Variants in FN3KRP observed in about 807,000 individuals in gnomAD.
The protein encoded by FN3KRP is ketosamine-3-kinase.
FN3KRP carries 33 observed loss-of-function variants against 29.8 expected under a neutral mutation model. That is an observed-to-expected ratio of 1.11 (90% CI 0.84 to 1.48). The LOEUF is 1.48. Ranked by LOEUF, FN3KRP falls within the 40% of genes most tolerant of loss-of-function variation. FN3KRP has a pLI of 0.00. For missense variants in FN3KRP, 430 were observed against 402.6 expected (o/e 1.07, Z -0.58); for synonymous variants, 157 against 155.2 (o/e 1.01, Z -0.09).
Position 82,726,970 on chromosome 17 carries a change from A to T in FN3KRP, c.729A>T (p.Glu243Asp), listed in dbSNP as rs761908561. Reference sequence around the variant, plus strand: ...CAGCTTCTTTCTACGGCCACTCGGAATATGAGCTGGCAATAGCTGGCATGT... The same window carrying T: ...CAGCTTCTTTCTACGGCCACTCGGATTATGAGCTGGCAATAGCTGGCATGT... ...FDPASFYGHS[E>D]YELAIAGMFG... The change falls in exon 6 of 6, where the codon GAA becomes GAT. Residue 243 changes from glutamate to aspartate, a missense_variant. Physicochemically the swap from Glu to Asp is conservative, Grantham distance 45. Coordinates refer to ENST00000269373, the MANE Select transcript of FN3KRP (RefSeq NM_024619.4). The T allele has an allele frequency of 5.0e-6, 8 of 1,613,956 alleles. No individual in the cohort carries two copies. Among genetic ancestry groups the T allele is most frequent in the Non-Finnish European group, 6.8e-6 (8 of 1,180,004 alleles).
intron 3 of FN3KRP, chr17:82,720,689 C>G (rs1259421647): frequency 4.7e-6 from 1 of 213,022 alleles, no homozygotes; most frequent in Non-Finnish European, 9.3e-6. Context: ...AGACCTTTAA[C>G]CCAGGGTCTG....
intron 2 of FN3KRP, among the ~76,000 whole-genome samples, chr17:82,719,480 C>T (rs1449739104): frequency 1.3e-5 from 2 of 152,252 alleles, no homozygotes; most frequent in East Asian, 1.9e-4. Context: ...GCACGCCGGC[C>T]GCGGTGGCTC....
chr17:82,716,814 C>A lies in FN3KRP; in HGVS notation c.59C>A (p.Ser20Ter), dbSNP rs770978856. The A allele has an allele frequency of 1.3e-6, 2 of 1,553,118 alleles. No individual in the cohort carries two copies. Among genetic ancestry groups the A allele is most frequent in the Admixed American group, 4.1e-5 (2 of 48,556 alleles). ...AGCTCTGTCAGGGCCACGGGCCACT[C>A]GGGGGGCGGGTGCATCAGCCAGGGC... is the stretch of plus-strand genomic sequence containing the variant. ...GCSSVRATGH[S>*]GGGCISQGRS... Residue 20 changes from serine to a stop codon, truncating the protein, a stop_gained, in exon 1 of 6, where the codon TCG becomes TAG. Transcript: ENST00000269373. LOFTEE classifies it high-confidence loss of function.
At chr17:82,723,616 T>C (rs2046815975) in intron 4 of FN3KRP, among the ~76,000 whole-genome samples, 1 of 152,004 alleles carries the variant, frequency 6.6e-6, no homozygotes, top group Non-Finnish European at 1.5e-5. Context: ...CACGCATGTG[T>C]GCATATGTGT....
In FN3KRP at chr17:82,727,077, T is replaced by C. The variant is rs767863087; in HGVS notation, c.836T>C (p.Leu279Ser). Reference protein sequence around the residue: ...KAPGFEKRLQLYQLFHYLNHW... With the variant: ...KAPGFEKRLQSYQLFHYLNHW... ...CCAGGATTCGAGAAGCGCCTTCAGT[T>C]GTATCAGCTCTTTCACTACTTGAAC... The change falls in exon 6 of 6, where the codon TTG (leucine) becomes TCG (serine). Residue 279 changes from leucine to serine, a missense_variant. Leu to Ser is a moderately radical substitution (Grantham distance 145). Coordinates refer to ENST00000269373, the MANE Select transcript of FN3KRP (RefSeq NM_024619.4). The C allele has an allele frequency of 6.2e-7, 1 of 1,614,176 alleles. No homozygotes were observed. The highest frequency in any genetic ancestry group is 1.7e-5 in the Admixed American group (1 of 60,010).
At chr17:82,725,848 C>G (rs1428431263) in intron 4 of FN3KRP, among the ~76,000 whole-genome samples, 2 of 152,166 alleles carry the variant, frequency 1.3e-5, no homozygotes, top group Non-Finnish European at 2.9e-5. Context: ...ATCTGATGAA[C>G]TATTGTCAGC....
intron 1 of FN3KRP, 25 bp downstream of exon 1, chr17:82,716,921 G>A (rs768934012): frequency 3.8e-6 from 6 of 1,559,750 alleles, no homozygotes; most frequent in Middle Eastern, 1.7e-4. Flanking sequence ...CGGGCGGGCC[G>A]GGGGACCGGT....
chr17:82,720,370 C>A lies in FN3KRP; in HGVS notation c.385+7C>A. 1.9e-6 allele frequency: 3 copies of A among 1,610,796 alleles called. No individual in the cohort carries two copies. Among genetic ancestry groups the A allele is most frequent in the South Asian group, 1.1e-5 (1 of 90,978 alleles). On this transcript the variant is annotated splice_region_variant and intron_variant, in intron 3 of 5. Coordinates refer to ENST00000269373, the MANE Select transcript of FN3KRP (RefSeq NM_024619.4). ...AAGGAGGCGGGCACAGTGGGTATGGCACTGCGCGGGCCACGGGTGCTCCCG... is the reference window on the plus strand; with the variant it reads ...AAGGAGGCGGGCACAGTGGGTATGGAACTGCGCGGGCCACGGGTGCTCCCG...
At chr17:82,726,195 G>GA (rs201175129) in intron 4 of FN3KRP, among the ~76,000 whole-genome samples, 1,837 of 150,936 alleles carry the variant, frequency 0.012, 31 homozygotes, top group African/African-American at 0.041. Flanking sequence ...AAAAGAAAAA[G>GA]AAAAAAAAAT....
At position 82,720,332 on chromosome 17, in the gene FN3KRP, A is replaced by G. The variant is rs1424395296; in HGVS notation, c.354A>G (p.Gly118=). The G allele has an allele frequency of 6.2e-7, 1 of 1,613,798 alleles. No homozygotes were observed. Among genetic ancestry groups the G allele is most frequent in the Non-Finnish European group, 8.5e-7 (1 of 1,179,984 alleles). ...ADLHLDNKKL[G]EMRLKEAGTV... ...TACACCTTGATAACAAGAAGCTTGG[A>G]GAGATGCGCCTGAAGGAGGCGGGCA... The change falls in exon 3 of 6, where the codon GGA becomes GGG. Residue 118 remains glycine, a synonymous_variant. Coordinates refer to ENST00000269373, the MANE Select transcript of FN3KRP (RefSeq NM_024619.4).
chr17:82,720,856 A>G (rs2046793721), intron 3 of FN3KRP: 1 of 153,460 alleles, frequency 6.5e-6, no homozygotes, highest in Admixed American at 6.5e-5. Context: ...ATGTGGGGAG[A>G]TTTGCTGATG....
chr17:82,719,722 T>C (rs2046785148), intron 2 of FN3KRP, among the ~76,000 whole-genome samples: 1 of 151,792 alleles, frequency 6.6e-6, no homozygotes, highest in African/African-American at 2.4e-5. Flanking sequence ...ACCACTGCAC[T>C]CTAGCCTGGG....
chr17:82,720,153 GA>G, intron 2 of FN3KRP, 118 bp from the exon 3 acceptor site: 1 of 685,930 alleles, frequency 1.5e-6, no homozygotes, highest in Non-Finnish European at 2.4e-6. Context: ...GTGACAGAGC[GA>G]GACTCCATCT....
In FN3KRP at chr17:82,719,144, C is replaced by G. The variant is rs557740542; in HGVS notation, c.293+87C>G. On this transcript the variant is annotated intron_variant, in intron 2 of 5. Transcript: ENST00000269373. ...TGTTTTATTATGTGTGTCTTCACAC[C>G]ACCCACTGGCTGGCTTTATTATCTG... 6 of 1,246,088 alleles carry G rather than the reference C, an allele frequency of 4.8e-6. No homozygotes were observed. The South Asian group carries it at 8.2e-5, about 17-fold the overall frequency. 77.2% of individuals were successfully genotyped at this position (1,246,088 alleles called of 1,614,324 possible). A position where few individuals can be genotyped will look rare whatever the true frequency, so the allele number is the denominator to read the frequency against.
intron 4 of FN3KRP, among the ~76,000 whole-genome samples, chr17:82,723,599 G>A (rs1293029383): frequency 6.6e-6 from 1 of 151,844 alleles, no homozygotes; most frequent in Non-Finnish European, 1.5e-5. Context: ...GTGTGCATGT[G>A]TATGTGCACG....
intron 4 of FN3KRP, 61 bp downstream of exon 4, chr17:82,722,947 G>A (rs2046809028): frequency 7.0e-7 from 1 of 1,430,944 alleles, no homozygotes; most frequent in African/African-American, 1.4e-5. Context: ...CACACGGGTT[G>A]GGGGGACACA....
intron 4 of FN3KRP, 145 bp downstream of exon 4, chr17:82,723,031 A>G: frequency 1.4e-6 from 1 of 722,426 alleles, no homozygotes; most frequent in Non-Finnish European, 2.2e-6. Flanking sequence ...TGAGAGGTTG[A>G]CGTAAGATTG....
At position 82,726,866 on chromosome 17, in the gene FN3KRP, A is replaced by G. The variant is rs1568062894; in HGVS notation, c.625A>G (p.Ile209Val). ...KIPDLFRDLE[I>V]IPALLHGDLW... ...CCCTGACCTGTTCCGTGACCTGGAG[A>G]TCATCCCAGCCTTACTCCACGGGGA... The change falls in exon 6 of 6, where the codon ATC becomes GTC. Residue 209 changes from isoleucine to valine, a missense_variant. Ile to Val is a conservative substitution (Grantham distance 29). Coordinates refer to ENST00000269373, the MANE Select transcript of FN3KRP (RefSeq NM_024619.4). 1.3e-6 allele frequency: 2 copies of G among 1,556,382 alleles called. No homozygotes were observed. Among genetic ancestry groups the G allele is most frequent in the African/African-American group, 1.4e-5 (1 of 72,730 alleles).
chr17:82,722,221 G>C (rs1472028149), intron 3 of FN3KRP, among the ~76,000 whole-genome samples: 1 of 151,970 alleles, frequency 6.6e-6, no homozygotes, highest in African/African-American at 2.4e-5. Context: ...TGCAACCTCC[G>C]CCTCCCGGGT....
Sources: allele counts gnomAD v4.1 joint callset (sites outside exome capture counted in the v4.1 genomes callset), GRCh38; gene constraint gnomAD v4.1.1; transcripts MANE v1.5; gene names NCBI Gene and HGNC (gene_info 2026-07-23, HGNC 2026-07-21).